FAM168A: variants seen among roughly 807,000 people sequenced by gnomAD.
FAM168A encodes protein FAM168A.
FAM168A carries 3 observed loss-of-function variants against 28.5 expected under a neutral mutation model. The ratio of observed to expected loss-of-function variants is 0.11; its 90% confidence interval spans 0.05 to 0.27. The LOEUF is 0.27. Among genes scored for constraint, FAM168A ranks in the 10% least tolerant of loss-of-function variants. FAM168A has a pLI of 1.00. For missense variants in FAM168A, 222 were observed against 311.5 expected (o/e 0.71, Z 2.16); for synonymous variants, 122 against 124.2 (o/e 0.98, Z 0.12).
chr11:73,484,685 T>C (rs999480701), intron 1 of FAM168A, among the ~76,000 whole-genome samples: 18 of 127,720 alleles, frequency 1.4e-4, no homozygotes, highest in African/African-American at 3.9e-4. Context: ...TGTATCGCTA[T>C]AGATATATAG....
intron 1 of FAM168A, among the ~76,000 whole-genome samples, chr11:73,557,099 T>C (rs988328656): frequency 6.6e-6 from 1 of 151,952 alleles, no homozygotes; most frequent in African/African-American, 2.4e-5. Flanking sequence ...CTCAAGTGTC[T>C]GTTGATGGAT....
At chr11:73,415,189 C>T (rs1163888322) in intron 4 of FAM168A, among the ~76,000 whole-genome samples, 2 of 152,162 alleles carry the variant, frequency 1.3e-5, no homozygotes, top group African/African-American at 4.8e-5. Flanking sequence ...GCCAAAACAC[C>T]CTTGGCAGCC....
intron 1 of FAM168A, among the ~76,000 whole-genome samples, chr11:73,538,623 A>G (rs1943612923): frequency 6.6e-6 from 1 of 152,254 alleles, no homozygotes; most frequent in African/African-American, 2.4e-5. Flanking sequence ...TTTGTTCTCC[A>G]TCTGAACTGC....
intron 1 of FAM168A, among the ~76,000 whole-genome samples, chr11:73,587,993 A>C (rs991538502): frequency 2.6e-5 from 4 of 151,980 alleles, no homozygotes; most frequent in Non-Finnish European, 4.4e-5. Flanking sequence ...CAGGTGATCC[A>C]CCCACCTCGG....
At chr11:73,544,407 C>T (rs967920506) in intron 1 of FAM168A, among the ~76,000 whole-genome samples, 1 of 151,978 alleles carries the variant, frequency 6.6e-6, no homozygotes, top group Non-Finnish European at 1.5e-5. Context: ...TTACCACATG[C>T]TCTAACAACT....
chr11:73,433,317 T>A (rs891274188), intron 2 of FAM168A, among the ~76,000 whole-genome samples: 1 of 151,848 alleles, frequency 6.6e-6, no homozygotes, highest in East Asian at 1.9e-4. Context: ...ACAAATATTT[T>A]CTCCCATTCT....
intron 1 of FAM168A, among the ~76,000 whole-genome samples, chr11:73,557,909 A>G (rs1355267616): frequency 6.6e-6 from 1 of 152,232 alleles, no homozygotes; most frequent in Non-Finnish European, 1.5e-5. Flanking sequence ...AAGACTAATC[A>G]CTAATCAATG....
intron 6 of FAM168A, 152 bp from the exon 7 acceptor site, chr11:73,407,795 C>T (rs1021346984): frequency 6.1e-6 from 4 of 652,424 alleles, no homozygotes; most frequent in Admixed American, 3.4e-5. Context: ...TGCCCTTCTC[C>T]ACCTCACCAG....
At chr11:73,594,808 C>T (rs775627825) in intron 1 of FAM168A, among the ~76,000 whole-genome samples, 2 of 152,150 alleles carry the variant, frequency 1.3e-5, no homozygotes, top group African/African-American at 2.4e-5. Context: ...GGACTACTGG[C>T]GTGAGCCACC....
In FAM168A at chr11:73,571,394, C is replaced by T. The variant is rs962223564; in HGVS notation, c.-19+26529G>A. On this transcript the variant is annotated intron_variant, in intron 1 of 7. Coordinates refer to ENST00000356467, the MANE Select transcript of FAM168A (RefSeq NM_015159.3). ...CCGAGTGCCTGCGATTGCAGGCGCG[C>T]GCCGCCATGCCTGACTGGTTTTCGT... Among the ~76,000 whole-genome samples, 966 of 152,046 alleles carry T rather than the reference C, an allele frequency of 6.4e-3. 22 individuals carry two copies. The highest frequency in any genetic ancestry group is 4.3e-3 in the African/African-American group (178 of 41,478).
intron 1 of FAM168A, among the ~76,000 whole-genome samples, chr11:73,565,446 T>A (rs1944010655): frequency 6.6e-6 from 1 of 152,172 alleles, no homozygotes; most frequent in African/African-American, 2.4e-5. Context: ...AGGGTTTGCA[T>A]CGGTAGGTAG....
intron 4 of FAM168A, among the ~76,000 whole-genome samples, chr11:73,417,559 CTT>C (rs11284405): frequency 4.5e-4 from 58 of 129,976 alleles, no homozygotes; most frequent in African/African-American, 9.0e-4. Flanking sequence ...ACCTCTCTCT[CTT>C]TTTTTTTTTT....
intron 3 of FAM168A, among the ~76,000 whole-genome samples, chr11:73,429,251 G>A (rs1349663187): frequency 6.6e-6 from 1 of 152,156 alleles, no homozygotes. Context: ...GAAAAGCATA[G>A]GACGAGAGTC....
intron 1 of FAM168A, among the ~76,000 whole-genome samples, chr11:73,492,070 T>C (rs935356756): frequency 5.3e-5 from 8 of 152,190 alleles, no homozygotes; most frequent in South Asian, 4.1e-4. Context: ...AGGGCTGGTA[T>C]TAGCATCTAC....
In FAM168A at chr11:73,457,765, G is replaced by C. The variant is rs376705389; in HGVS notation, c.70+10640C>G. 6.5e-3 allele frequency among the ~76,000 whole-genome samples: 490 copies of C among 75,828 alleles called. 10 individuals are homozygous for C. Among genetic ancestry groups the C allele is most frequent in the African/African-American group, 0.026 (461 of 17,856 alleles). 49.7% of individuals were successfully genotyped at this position (75,828 alleles called of 152,430 possible). On this transcript the variant is annotated intron_variant, in intron 2 of 7. Transcript: ENST00000356467. ...AAAAAAAAAAAGAAAAGAAAAGAAA[G>C]AAAAGAAAAAAAAGGCTAAAATGGT...
chr11:73,549,979 G>A (rs568019411), intron 1 of FAM168A, among the ~76,000 whole-genome samples: 8 of 152,228 alleles, frequency 5.3e-5, no homozygotes, highest in African/African-American at 1.9e-4. Flanking sequence ...CCAAATATTG[G>A]AACAACCTCA....
intron 2 of FAM168A, among the ~76,000 whole-genome samples, chr11:73,440,240 G>T (rs1203881640): frequency 6.6e-6 from 1 of 152,048 alleles, no homozygotes; most frequent in Non-Finnish European, 1.5e-5. Flanking sequence ...GAAAAATCTT[G>T]CTCAGATTCA....
intron 1 of FAM168A, among the ~76,000 whole-genome samples, chr11:73,583,803 G>A (rs780513816): frequency 3.3e-5 from 5 of 152,214 alleles, no homozygotes; most frequent in Admixed American, 6.5e-5. Context: ...GCCAGGAGGA[G>A]AGACAATAAA....
intron 2 of FAM168A, among the ~76,000 whole-genome samples, chr11:73,457,127 C>A (rs1336618574): frequency 3.9e-5 from 6 of 152,082 alleles, no homozygotes; most frequent in Non-Finnish European, 1.5e-5. Context: ...ATGGCTCATT[C>A]CTATAATCCT....
Sources: allele counts gnomAD v4.1 joint callset (sites outside exome capture counted in the v4.1 genomes callset), GRCh38; gene constraint gnomAD v4.1.1; transcripts MANE v1.5; gene names NCBI Gene and HGNC (gene_info 2026-07-23, HGNC 2026-07-21).